SLC19A1: variants seen among roughly 807,000 people sequenced by gnomAD.
The protein encoded by SLC19A1 is reduced folate transporter.
A neutral mutation model predicts 35.3 loss-of-function variants in SLC19A1; 37 were observed. That is an observed-to-expected ratio of 1.05 (90% CI 0.81 to 1.38). SLC19A1 has a LOEUF of 1.38. Ranked by LOEUF, SLC19A1 falls within the 40% of genes most tolerant of loss-of-function variation. SLC19A1 has a pLI of 0.00. For missense variants in SLC19A1, 831 were observed against 826.9 expected, an observed-to-expected ratio of 1.00 and a Z score of -0.06; for synonymous variants, 460 against 398.5, an observed-to-expected ratio of 1.15 and a Z score of -1.84.
upstream of SLC19A1, among the ~76,000 whole-genome samples, chr21:45,543,077 G>T (rs1442555749): frequency 6.6e-6 from 1 of 152,262 alleles, no homozygotes; most frequent in East Asian, 1.9e-4. Flanking sequence ...GGAGCAAGCC[G>T]GATCCAGGAC....
upstream of SLC19A1, among the ~76,000 whole-genome samples, chr21:45,546,175 C>T (rs1055299840): frequency 3.9e-5 from 6 of 152,254 alleles, no homozygotes; most frequent in South Asian, 8.3e-4. Context: ...GAGGCTGAGC[C>T]GGGCCACCGT....
downstream of SLC19A1, among the ~76,000 whole-genome samples, chr21:45,509,034 T>G (rs1360594633): frequency 1.3e-5 from 2 of 151,984 alleles, no homozygotes; most frequent in African/African-American, 2.4e-5. Flanking sequence ...GTCGCCGTGT[T>G]GAGGTCAGGG....
At chr21:45,525,036 C>G (rs1404531516) in intron 5 of SLC19A1, among the ~76,000 whole-genome samples, 3 of 152,228 alleles carry the variant, frequency 2.0e-5, no homozygotes, top group African/African-American at 4.8e-5. Flanking sequence ...GCCATCCTCA[C>G]CTAACAGGCA....
upstream of SLC19A1, among the ~76,000 whole-genome samples, chr21:45,543,530 G>GACCGCAGCACC (rs2078373917): frequency 1.3e-5 from 2 of 152,228 alleles, no homozygotes; most frequent in African/African-American, 4.8e-5. Context: ...GCCTCCTGGT[G>GACCGCAGCACC]TTGCGGGGGT....
At chr21:45,504,602 G>A in intron 3 of SLC19A1, 1 of 1,532,988 alleles carries the variant, frequency 6.5e-7, no homozygotes, top group Non-Finnish European at 8.8e-7. Flanking sequence ...CAGGGGTCTG[G>A]GTGCAGGAGC....
intron 3 of SLC19A1, chr21:45,507,463 G>A: frequency 2.7e-6 from 1 of 365,640 alleles, no homozygotes; most frequent in Non-Finnish European, 3.8e-6. Context: ...GGCTGGGAGG[G>A]CCAGGTGCTG....
Position 45,530,653 on chromosome 21 carries a change from G to A in SLC19A1, c.1151+117C>T, listed in dbSNP as rs967694574. The A allele has an allele frequency of 3.8e-5, 41 of 1,089,736 alleles. No individual in the cohort carries two copies. Among genetic ancestry groups the A allele is most frequent in the Non-Finnish European group, 5.2e-5 (40 of 766,090 alleles). The allele number at this position is 1,089,736 out of a possible 1,614,324, so 67.5% of individuals were successfully genotyped here. A position where few individuals can be genotyped will look rare whatever the true frequency, so the allele number is the denominator to read the frequency against. On this transcript the variant is annotated intron_variant, in intron 4 of 5. Transcript: ENST00000311124. The surrounding 1 kb of genome is among the most constrained non-coding windows in gnomAD (Gnocchi z 5.3). ...CCCTGGTCAGCTCCAGGTGGCTGGC[G>A]GGGCCAGCAGTGGCACAGCCGCTGG...
At position 45,515,566 on chromosome 21, in the gene SLC19A1, G is replaced by A; in HGVS notation, c.*92C>T. 1 of 1,572,892 alleles carries A rather than the reference G, an allele frequency of 6.4e-7. No individual in the cohort carries two copies. Among genetic ancestry groups the A allele is most frequent in the Non-Finnish European group, 8.6e-7 (1 of 1,168,386 alleles). On this transcript the variant is annotated 3_prime_UTR_variant, in exon 6 of 6. Coordinates refer to ENST00000311124, the MANE Select transcript of SLC19A1 (RefSeq NM_194255.4). ...GGGCCTGCTAGCAGGATAAGCGGAG[G>A]CCCCCATTGCTAAGGCAGGCGGCCC... is the stretch of plus-strand genomic sequence containing the variant.
Position 45,556,605 on chromosome 21 carries a change from G to A in SLC19A1, c.-50+6137C>T, listed in dbSNP as rs754865153. 2.6e-5 allele frequency among the ~76,000 whole-genome samples: 4 copies of A among 152,266 alleles called. No individual in the cohort carries two copies. In the East Asian group the frequency reaches 7.7e-4, roughly 29 times the overall value. On this transcript the variant is annotated intron_variant, in intron 1 of 5. Coordinates refer to the SLC19A1 transcript ENST00000650808. ...TGAATTCTTCTCAAAACACCGTGCA[G>A]ACGAAACCAGTCAGTGACACACCTG...
At chr21:45,509,915 G>A, downstream of SLC19A1, 1 of 908,746 alleles carries the variant, frequency 1.1e-6, no homozygotes, top group Non-Finnish European at 1.6e-6. Context: ...CTGCTGCCTG[G>A]GCCCCTCAGT....
At chr21:45,519,572 A>C (rs918740457) in intron 5 of SLC19A1, among the ~76,000 whole-genome samples, 4 of 50,062 alleles carry the variant, frequency 8.0e-5, no homozygotes, top group Admixed American at 3.4e-4. Context: ...CTTCTGAGCA[A>C]AAAAAAAAAA....
At chr21:45,560,021 C>T (rs898437037) in intron 1 of SLC19A1, among the ~76,000 whole-genome samples, 2 of 152,226 alleles carry the variant, frequency 1.3e-5, no homozygotes, top group Non-Finnish European at 2.9e-5. Context: ...GCAGCTTACT[C>T]TGCAGAAGGC....
chr21:45,523,452 C>T (rs2077498188), intron 5 of SLC19A1, among the ~76,000 whole-genome samples: 2 of 152,236 alleles, frequency 1.3e-5, no homozygotes, highest in African/African-American at 4.8e-5. Context: ...ACACCAGGAC[C>T]AGGACCAGCT....
chr21:45,555,046 T>C (rs2078529947), intron 1 of SLC19A1, among the ~76,000 whole-genome samples: 2 of 149,804 alleles, frequency 1.3e-5, no homozygotes. Flanking sequence ...CCTGGAGGCC[T>C]CGGGTTTCCC....
At chr21:45,541,886 G>C (rs1201449855) in intron 1 of SLC19A1, 2 of 152,354 alleles carry the variant, frequency 1.3e-5, no homozygotes, top group African/African-American at 4.8e-5. Context: ...AGGATGACGC[G>C]GAGGGCAGGC....
At chr21:45,505,538 C>T (rs1007780223) in intron 3 of SLC19A1, 4 of 725,022 alleles carry the variant, frequency 5.5e-6, no homozygotes, top group South Asian at 1.5e-5. Flanking sequence ...GGGAGATATA[C>T]AGGAGGCCAA....
At chr21:45,512,267 G>C (rs771981397), downstream of SLC19A1, 37 of 1,611,868 alleles carry the variant, frequency 2.3e-5, no homozygotes, top group Non-Finnish European at 3.1e-5. Context: ...GTGGCGGACG[G>C]AGGCTCCCTC....
At chr21:45,508,597 T>C (rs1051844055), downstream of SLC19A1, among the ~76,000 whole-genome samples, 3 of 151,898 alleles carry the variant, frequency 2.0e-5, no homozygotes, top group African/African-American at 7.3e-5. Context: ...GGCCCCTCCT[T>C]GAGTAGAGGT....
chr21:45,532,833 G>A (rs1014731240), intron 2 of SLC19A1, among the ~76,000 whole-genome samples: 1 of 152,200 alleles, frequency 6.6e-6, no homozygotes, highest in Non-Finnish European at 1.5e-5. Context: ...ACCAGCACAA[G>A]CTTCTTCCAT....
Sources: allele counts gnomAD v4.1 joint callset (sites outside exome capture counted in the v4.1 genomes callset), GRCh38; gene constraint gnomAD v4.1.1; non-coding constraint Gnocchi (gnomAD v3.1); transcripts MANE v1.5; gene names NCBI Gene and HGNC (gene_info 2026-07-23, HGNC 2026-07-21).